The following ITSN1 variants were observed in gnomAD, a reference collection of about 807,000 sequenced individuals.
ITSN1 encodes the protein intersectin 1, also known as intersectin-1.
In ITSN1, 58 loss-of-function variants were observed where a neutral mutation model predicts 239.8. The observed-to-expected ratio is 0.24, with a 90% CI of 0.20 to 0.30. The LOEUF is 0.30. Among genes scored for constraint, ITSN1 ranks in the 10% least tolerant of loss-of-function variants. The probability of loss-of-function intolerance (pLI) is 1.00; values close to 1 mark genes in which losing one functional copy is unlikely to be tolerated. For synonymous variants in ITSN1, 780 were observed against 770.8 expected (o/e 1.01, Z -0.20); for missense variants, 1,558 against 2,103.3 (o/e 0.74, Z 5.07).
intron 4 of ITSN1, among the ~76,000 whole-genome samples, chr21:33,732,599 A>G (rs1305316905): frequency 6.6e-6 from 1 of 152,198 alleles, no homozygotes; most frequent in Admixed American, 6.5e-5. Flanking sequence ...AGTAAGACCA[A>G]TAAAAAAGAT....
At chr21:33,870,868 C>G (rs770616111) in intron 33 of ITSN1, among the ~76,000 whole-genome samples, 5 of 152,180 alleles carry the variant, frequency 3.3e-5, no homozygotes, top group Admixed American at 6.5e-5. Flanking sequence ...TGGAAGAACA[C>G]TTGAGAGACA....
At chr21:33,669,322 A>G (rs1409212761) in intron 1 of ITSN1, among the ~76,000 whole-genome samples, 2 of 152,100 alleles carry the variant, frequency 1.3e-5, no homozygotes, top group South Asian at 4.1e-4. Context: ...GCCTCAAGTG[A>G]TCCACCCGTC....
chr21:33,820,347 G>A (rs898325691), intron 24 of ITSN1, among the ~76,000 whole-genome samples: 7 of 152,304 alleles, frequency 4.6e-5, no homozygotes, highest in Middle Eastern at 3.4e-3. Flanking sequence ...TGAGTTAGAT[G>A]GGTTTTCTGT....
chr21:33,857,403 C>T (rs141801047), intron 30 of ITSN1, among the ~76,000 whole-genome samples: 1 of 152,350 alleles, frequency 6.6e-6, no homozygotes, highest in African/African-American at 2.4e-5. Context: ...CCAGAAGGGC[C>T]CTGGCCACCT....
At position 33,865,400 on chromosome 21, in the gene ITSN1, A is replaced by G; in HGVS notation, c.4074+66A>G. 7.7e-7 allele frequency: 1 copy of G among 1,300,468 alleles called. No individual in the cohort carries two copies. 80.6% of individuals were successfully genotyped at this position (1,300,468 alleles called of 1,614,324 possible). On this transcript the variant is annotated intron_variant, in intron 32 of 39. Coordinates refer to ENST00000381318, the MANE Select transcript of ITSN1 (RefSeq NM_003024.3). The surrounding 1 kb of genome is among the most constrained non-coding windows in gnomAD (Gnocchi z 4.4). Reference sequence around the variant, plus strand: ...CGATCTTTGGGCAGCTGGATGTGTGAGGGGCTAATTCAAAAGTCTGCAAGA... The same window carrying G: ...CGATCTTTGGGCAGCTGGATGTGTGGGGGGCTAATTCAAAAGTCTGCAAGA...
At chr21:33,655,027 T>TC (rs994746901) in intron 1 of ITSN1, among the ~76,000 whole-genome samples, 1 of 152,198 alleles carries the variant, frequency 6.6e-6, no homozygotes, top group Non-Finnish European at 1.5e-5. Flanking sequence ...TTTTTTTTTT[T>TC]CACTATGTCT....
intron 36 of ITSN1, among the ~76,000 whole-genome samples, chr21:33,884,636 G>T (rs529073696): frequency 2.6e-5 from 4 of 152,338 alleles, no homozygotes; most frequent in South Asian, 4.1e-4. Context: ...GTGTGAAGTG[G>T]TTCCCAATCT....
chr21:33,798,947 G>A (rs182523430), intron 18 of ITSN1, among the ~76,000 whole-genome samples: 7 of 152,082 alleles, frequency 4.6e-5, no homozygotes, highest in Admixed American at 3.3e-4. Flanking sequence ...TTCTTCATGC[G>A]TCCTCCTAGT....
At chr21:33,706,697 C>G (rs2092260430) in intron 1 of ITSN1, among the ~76,000 whole-genome samples, 1 of 152,092 alleles carries the variant, frequency 6.6e-6, no homozygotes, top group Admixed American at 6.6e-5. Flanking sequence ...TGCTCAGAAG[C>G]CTTACAGTCC....
intron 5 of ITSN1, among the ~76,000 whole-genome samples, chr21:33,741,894 CAAAAAAAAA>C (rs57036929): frequency 1.3e-5 from 1 of 74,142 alleles, no homozygotes; most frequent in African/African-American, 4.9e-5. Context: ...GATTCCGTCT[CAAAAAAAAA>C]AAAAAAAAAA....
chr21:33,722,571 T>C lies in ITSN1; in HGVS notation c.122-17T>C. ...TTTTTTTTTTTTTTCCTGAAACTTTTTCTGTTTAATTTACAGGTGATCAAG... is the reference window on the plus strand; with the variant it reads ...TTTTTTTTTTTTTTCCTGAAACTTTCTCTGTTTAATTTACAGGTGATCAAG... On this transcript the variant is annotated splice_polypyrimidine_tract_variant and intron_variant, in intron 3 of 39. Coordinates refer to ENST00000381318, the MANE Select transcript of ITSN1 (RefSeq NM_003024.3). 2 of 1,556,296 alleles carry C rather than the reference T, an allele frequency of 1.3e-6. No individual in the cohort carries two copies. Among genetic ancestry groups the C allele is most frequent in the Non-Finnish European group, 1.7e-6 (2 of 1,161,738 alleles).
intron 1 of ITSN1, among the ~76,000 whole-genome samples, chr21:33,674,950 TTA>T (rs959590622): frequency 3.2e-4 from 48 of 152,234 alleles, no homozygotes; most frequent in African/African-American, 1.1e-3. Flanking sequence ...TATATGCTCA[TTA>T]TAATGAAAGA....
intron 8 of ITSN1, among the ~76,000 whole-genome samples, chr21:33,758,535 C>T (rs2068076822): frequency 7.5e-6 from 1 of 132,704 alleles, no homozygotes. Context: ...TTAAAAGAGA[C>T]TGCCTTATAA....
At chr21:33,772,860 A>T (rs59445526) in intron 12 of ITSN1, among the ~76,000 whole-genome samples, 4,525 of 152,310 alleles carry the variant, frequency 0.03, 244 homozygotes, top group African/African-American at 0.1. Flanking sequence ...TGATACCAGT[A>T]AAGTGTTTTT....
Position 33,765,910 on chromosome 21 carries a change from C to G in ITSN1, c.824C>G (p.Thr275Arg). 1.2e-6 allele frequency: 2 copies of G among 1,614,106 alleles called. No homozygotes were observed. The highest frequency in any genetic ancestry group is 1.7e-6 in the Non-Finnish European group (2 of 1,179,962). Residue 275 changes from threonine to arginine, a missense_variant, in exon 10 of 40, where the codon ACA (threonine) becomes AGA (arginine). Physicochemically the swap from Thr to Arg is moderately conservative, Grantham distance 71 (BLOSUM62 -1). This residue lies in a region of ITSN1 where 982 missense variants were observed against 1,209.9 expected (regional missense o/e 0.81). Transcript: ENST00000381318. ...GACATTGATCAAGATGGAAAACTTA[C>G]AGCAGAGGAATTTATCCTGGCAATG... ...LSDIDQDGKL[T>R]AEEFILAMHL...
intron 17 of ITSN1, 74 bp downstream of exon 17, chr21:33,794,542 AAGT>A (rs1288156971): frequency 3.3e-6 from 5 of 1,536,110 alleles, no homozygotes; most frequent in Non-Finnish European, 4.4e-6. Flanking sequence ...TGGCTTCTCC[AAGT>A]AGTTACTGCA....
intron 31 of ITSN1, among the ~76,000 whole-genome samples, chr21:33,860,391 C>A (rs1243970030): frequency 6.6e-6 from 1 of 151,656 alleles, no homozygotes; most frequent in Non-Finnish European, 1.5e-5. Flanking sequence ...TCAGTGGGGG[C>A]TGGGGGAGGC....
In ITSN1 at chr21:33,882,311, C is replaced by T. The variant is rs1179895586; in HGVS notation, c.4410C>T (p.Tyr1470=). 6.2e-7 allele frequency: 1 copy of T among 1,614,202 alleles called. No homozygotes were observed. The change falls in exon 35 of 40, where the codon TAC becomes TAT. Residue 1470 remains tyrosine, a synonymous_variant. Transcript: ENST00000381318. This position sits in a 1 kb window ranked among gnomAD's most constrained non-coding sequence, Gnocchi z 4.5. Reference sequence around the variant, plus strand: ...AATTTCTGCACAGTGGGAAGCTCTACAAGGCCAAGAGCAACAAGGAGCTGT... The same window carrying T: ...AATTTCTGCACAGTGGGAAGCTCTATAAGGCCAAGAGCAACAAGGAGCTGT... The part of the protein sequence containing the change: ...PRKFLHSGKL[Y]KAKSNKELYG...
At chr21:33,697,234 A>ATTTTTT (rs11419453) in intron 1 of ITSN1, among the ~76,000 whole-genome samples, 10 of 121,706 alleles carry the variant, frequency 8.2e-5, no homozygotes, top group Non-Finnish European at 8.2e-5. Flanking sequence ...CACCTGGCTA[A>ATTTTTT]TTTTTTTTTT....
Sources: allele counts gnomAD v4.1 joint callset (sites outside exome capture counted in the v4.1 genomes callset), GRCh38; gene constraint gnomAD v4.1.1; regional missense constraint gnomAD v4.1.1; non-coding constraint Gnocchi (gnomAD v3.1); transcripts MANE v1.5; gene names NCBI Gene and HGNC (gene_info 2026-07-23, HGNC 2026-07-21).